UBE2H: variants seen among roughly 807,000 people sequenced by gnomAD.
The protein encoded by UBE2H is ubiquitin-conjugating enzyme E2 H.
Under a neutral mutation model 29.0 loss-of-function variants are expected in UBE2H, and 3 were observed. The observed-to-expected ratio is 0.10, with a 90% CI of 0.05 to 0.27. The LOEUF is 0.27. Among genes scored for constraint, UBE2H ranks in the 10% least tolerant of loss-of-function variants. UBE2H has a pLI of 1.00. For synonymous variants in UBE2H, 69 were observed against 82.9 expected (o/e 0.83, Z 0.91); for missense variants, 68 against 228.2 (o/e 0.30, Z 4.52).
chr7:129,881,464 T>C (rs576617428), intron 1 of UBE2H, among the ~76,000 whole-genome samples: 1 of 152,260 alleles, frequency 6.6e-6, no homozygotes, highest in East Asian at 1.9e-4. Context: ...GTGGCCTATA[T>C]GGTGAAACCC....
intron 1 of UBE2H, among the ~76,000 whole-genome samples, chr7:129,946,539 C>T (rs1273576337): frequency 2.0e-5 from 3 of 152,174 alleles, no homozygotes; most frequent in Non-Finnish European, 4.4e-5. Context: ...GGTCCTGGAC[C>T]AGAAGCATCA....
At chr7:129,908,337 C>T (rs552950230) in intron 1 of UBE2H, among the ~76,000 whole-genome samples, 1 of 152,256 alleles carries the variant, frequency 6.6e-6, no homozygotes, top group East Asian at 1.9e-4. Flanking sequence ...GGACTAACAC[C>T]AACTGATGAT....
intron 1 of UBE2H, among the ~76,000 whole-genome samples, chr7:129,927,376 C>A (rs1807291583): frequency 6.6e-6 from 1 of 152,106 alleles, no homozygotes; most frequent in Non-Finnish European, 1.5e-5. Flanking sequence ...CCCGTCTCTA[C>A]TAAAAATACA....
chr7:129,866,875 T>C (rs1050148929), intron 3 of UBE2H, among the ~76,000 whole-genome samples: 6 of 152,208 alleles, frequency 3.9e-5, no homozygotes, highest in African/African-American at 1.4e-4. Context: ...TATCTACACA[T>C]CATTAATCGT....
chr7:129,912,870 T>TTAAGC (rs140927060), intron 1 of UBE2H, among the ~76,000 whole-genome samples: 9,460 of 152,226 alleles, frequency 0.062, 360 homozygotes, highest in Non-Finnish European at 0.091. Context: ...TTTTTAATAA[T>TTAAGC]TAATCACTAA....
intron 1 of UBE2H, among the ~76,000 whole-genome samples, chr7:129,891,707 C>G (rs117078712): frequency 0.063 from 9,499 of 151,376 alleles, 366 homozygotes; most frequent in Non-Finnish European, 0.092. Context: ...GAGGCTAACA[C>G]AGTAGAACTG....
chr7:129,928,708 T>C (rs1807323196), intron 1 of UBE2H, among the ~76,000 whole-genome samples: 1 of 152,218 alleles, frequency 6.6e-6, no homozygotes. Context: ...AGGTGACAGA[T>C]ATGCCCAATT....
chr7:129,882,722 C>T (rs949025879), intron 1 of UBE2H, among the ~76,000 whole-genome samples: 8 of 152,264 alleles, frequency 5.3e-5, no homozygotes, highest in Non-Finnish European at 1.2e-4. Context: ...ACCAGTCACC[C>T]TCTGACATCC....
intron 3 of UBE2H, among the ~76,000 whole-genome samples, chr7:129,872,544 A>T (rs1041562511): frequency 2.0e-5 from 3 of 151,498 alleles, no homozygotes; most frequent in African/African-American, 4.8e-5. Context: ...TGAGTAAAAA[A>T]ATATATATAT....
intron 5 of UBE2H, among the ~76,000 whole-genome samples, chr7:129,854,100 C>CG (rs1805664508): frequency 1.2e-5 from 1 of 84,634 alleles, no homozygotes; most frequent in Non-Finnish European, 2.4e-5. Flanking sequence ...CAGGGGTTGG[C>CG]GGGGGCAGTC....
intron 1 of UBE2H, among the ~76,000 whole-genome samples, chr7:129,899,400 A>C (rs1806663902): frequency 6.6e-6 from 1 of 152,212 alleles, no homozygotes; most frequent in African/African-American, 2.4e-5. Flanking sequence ...CTTTTATAGT[A>C]AAATAAAGTT....
At chr7:129,877,825 T>C (rs764962915) in intron 3 of UBE2H, among the ~76,000 whole-genome samples, 2 of 152,000 alleles carry the variant, frequency 1.3e-5, no homozygotes, top group African/African-American at 4.8e-5. Context: ...AAAAATACAT[T>C]AAGGTCTGAG....
rs960629604 is a variant in UBE2H, at chr7:129,927,401, G to A, written c.53+25102C>T. 1.1e-4 allele frequency among the ~76,000 whole-genome samples: 16 copies of A among 152,260 alleles called. No homozygotes were observed. The South Asian group carries it at 2.3e-3, about 22-fold the overall frequency. On this transcript the variant is annotated intron_variant, in intron 1 of 6. Transcript: ENST00000355621. ...CTAAAAATACAAAAATTAGCCGGGC[G>A]TGGTGGTGGACTCCTGTAATCCCAG... is the stretch of plus-strand genomic sequence containing the variant.
intron 3 of UBE2H, among the ~76,000 whole-genome samples, chr7:129,877,510 T>C (rs770123676): frequency 1.3e-5 from 2 of 152,296 alleles, no homozygotes; most frequent in South Asian, 4.1e-4. Context: ...AACTCTCTTA[T>C]GCAACCTTCC....
chr7:129,947,418 C>T (rs904871006), intron 1 of UBE2H, among the ~76,000 whole-genome samples: 2 of 152,130 alleles, frequency 1.3e-5, no homozygotes, highest in African/African-American at 4.8e-5. Context: ...CACAGGTTCC[C>T]AATTGACACT....
At chr7:129,845,270 T>C (rs1241451530) in intron 5 of UBE2H, among the ~76,000 whole-genome samples, 1 of 152,208 alleles carries the variant, frequency 6.6e-6, no homozygotes, top group Non-Finnish European at 1.5e-5. Context: ...TGCAGCTTCA[T>C]ACCTACCCCA....
chr7:129,834,806 A>T lies in UBE2H; in HGVS notation c.*131T>A. 1 of 980,508 alleles carries T rather than the reference A, an allele frequency of 1.0e-6. No individual in the cohort carries two copies. The highest frequency in any genetic ancestry group is 2.8e-5 in the Admixed American group (1 of 35,850). 60.7% of individuals were successfully genotyped at this position (980,508 alleles called of 1,614,324 possible). A position where few individuals can be genotyped will look rare whatever the true frequency, so the allele number is the denominator to read the frequency against. On this transcript the variant is annotated 3_prime_UTR_variant, in exon 7 of 7. Transcript: ENST00000355621. The stretch of plus-strand genomic sequence containing the variant: ...CTAAAGGGTGATATATAATATATAT[A>T]TATCAATGCTATTATTCATAAAAAC...
intron 1 of UBE2H, among the ~76,000 whole-genome samples, chr7:129,887,798 C>T (rs570937497): frequency 6.6e-6 from 1 of 152,038 alleles, no homozygotes; most frequent in East Asian, 1.9e-4. Flanking sequence ...ACTCGGGAGG[C>T]GGAGATTACG....
In UBE2H at chr7:129,834,002, T is replaced by TAAAC. The variant is rs926715787; in HGVS notation, c.*934_*935insGTTT. On this transcript the variant is annotated 3_prime_UTR_variant, in exon 7 of 7. Coordinates refer to ENST00000355621, the MANE Select transcript of UBE2H (RefSeq NM_003344.4). ...AAATCTGCAACCTTTCTAAGCACAA[T>TAAAC]ACACACACACACACACCAAAAAAAT... The TAAAC allele has an allele frequency of 4.6e-5, 7 of 150,642 alleles. No homozygotes were observed. The highest frequency in any genetic ancestry group is 1.7e-4 in the African/African-American group (7 of 40,964). The allele number at this position is 150,642 out of a possible 1,614,324, so 9.3% of individuals were successfully genotyped here. A position where few individuals can be genotyped will look rare whatever the true frequency, so the allele number is the denominator to read the frequency against.
Sources: allele counts gnomAD v4.1 joint callset (sites outside exome capture counted in the v4.1 genomes callset), GRCh38; gene constraint gnomAD v4.1.1; transcripts MANE v1.5; gene names NCBI Gene and HGNC (gene_info 2026-07-23, HGNC 2026-07-21).